Variants in KDM2B observed in about 807,000 individuals in gnomAD.
KDM2B encodes lysine demethylase 2B.
KDM2B carries 26 observed loss-of-function variants against 150.0 expected under a neutral mutation model. The observed-to-expected ratio is 0.17, with a 90% CI of 0.13 to 0.24. The LOEUF is 0.24. Among genes scored for constraint, KDM2B ranks in the 10% least tolerant of loss-of-function variants. The pLI is 1.00. For synonymous variants in KDM2B, 734 were observed against 729.5 expected, an observed-to-expected ratio of 1.01 and a Z score of -0.10; for missense variants, 1,265 against 1,816.9, an observed-to-expected ratio of 0.70 and a Z score of 5.52.
intron 17 of KDM2B, 76 bp downstream of exon 17, chr12:121,443,604 C>T (rs2138179255): frequency 2.4e-6 from 2 of 842,502 alleles, no homozygotes; most frequent in African/African-American, 3.3e-5. Flanking sequence ...GGTGGAGGAC[C>T]AGCGGGGTGG....
intron 7 of KDM2B, among the ~76,000 whole-genome samples, chr12:121,534,164 A>G (rs879985252): frequency 3.9e-5 from 6 of 152,128 alleles, no homozygotes; most frequent in South Asian, 4.1e-4. Flanking sequence ...CCTGGCTAAC[A>G]CGGTGAAACC....
Position 121,442,436 on chromosome 12 carries a change from T to C in KDM2B, c.3005A>G (p.Asn1002Ser). 1 of 1,599,602 alleles carries C rather than the reference T, an allele frequency of 6.3e-7. No individual in the cohort carries two copies. Among genetic ancestry groups the C allele is most frequent in the Non-Finnish European group, 8.5e-7 (1 of 1,179,032 alleles). The change falls in exon 19 of 23, where the codon AAC becomes AGC. Residue 1002 changes from asparagine (N) to serine (S), a missense_variant. This residue lies in a region of KDM2B where 418 missense variants were observed against 402.4 expected (regional missense o/e 1.04). Transcript: ENST00000377071. The surrounding 1 kb of genome is among the most constrained non-coding windows in gnomAD (Gnocchi z 7.7). ...GTGCCGCAGCTCCCGGGGGGTGCCG[T>C]TGAGCCCCTTGCTGAAGCGGTGGGG... ...ERPHRFSKGL[N>S]GTPRELRHQL...
chr12:121,493,303 G>C (rs907987501), intron 12 of KDM2B, among the ~76,000 whole-genome samples: 1 of 151,952 alleles, frequency 6.6e-6, no homozygotes, highest in African/African-American at 2.4e-5. Context: ...AATATTTAGA[G>C]TGCACTAACC....
Position 121,509,774 on chromosome 12 carries a change from A to T in KDM2B, c.1440T>A (p.Ser480Arg). Residue 480 changes from serine to arginine, a missense_variant, in exon 11 of 23, where the codon AGT (serine) becomes AGA (arginine). Coordinates refer to ENST00000377071, the MANE Select transcript of KDM2B (RefSeq NM_032590.5). Reference protein sequence around the residue: ...KRTLSNESEESVKSTTLAVDY... With the variant: ...KRTLSNESEERVKSTTLAVDY... ...CTACGGCCAATGTGGTGGACTTCACACTTTCCTCCGACTCATTAGACAAAG... is the reference window on the plus strand; with the variant it reads ...CTACGGCCAATGTGGTGGACTTCACTCTTTCCTCCGACTCATTAGACAAAG... 6.2e-7 allele frequency: 1 copy of T among 1,613,976 alleles called. No homozygotes were observed. Among genetic ancestry groups the T allele is most frequent in the Non-Finnish European group, 8.5e-7 (1 of 1,180,008 alleles).
At chr12:121,466,367 C>A (rs1221574066) in intron 12 of KDM2B, among the ~76,000 whole-genome samples, 1 of 152,218 alleles carries the variant, frequency 6.6e-6, no homozygotes, top group African/African-American at 2.4e-5. Context: ...TCTTCCTAAA[C>A]ACGAACCTTC....
In KDM2B at chr12:121,518,377, C is replaced by G. The variant is rs1429020950; in HGVS notation, c.1047+2608G>C. On this transcript the variant is annotated intron_variant, in intron 9 of 22. Transcript: ENST00000377071. The surrounding 1 kb of genome is among the most constrained non-coding windows in gnomAD (Gnocchi z 4.4). The stretch of plus-strand genomic sequence containing the variant: ...ACAATTGGGCCTCGTAGCCAAGTCC[C>G]TCTCTCAAGACCAGAAATCAAGGCA... Among the ~76,000 whole-genome samples the G allele has an allele frequency of 1.3e-5, 2 of 152,008 alleles. No homozygotes were observed. The highest frequency in any genetic ancestry group is 2.9e-5 in the Non-Finnish European group (2 of 68,038).
intron 11 of KDM2B, among the ~76,000 whole-genome samples, chr12:121,507,873 T>C (rs1885229293): frequency 6.6e-6 from 1 of 151,904 alleles, no homozygotes; most frequent in South Asian, 2.1e-4. Flanking sequence ...TAGCCGAGCA[T>C]GGTGGCATGC....
At chr12:121,411,552 C>CG in the KDM2B span, among the ~76,000 whole-genome samples, 2 of 152,162 alleles carry the variant, frequency 1.3e-5, no homozygotes, top group Non-Finnish European at 1.5e-5. Flanking sequence ...GTCATAATCT[C>CG]TGACAGTGCT....
rs532872978 is a variant in KDM2B at position 121,520,438 on chromosome 12, G to A, written c.1047+547C>T. On this transcript the variant is annotated intron_variant, in intron 9 of 22. Transcript: ENST00000377071. The surrounding 1 kb of genome is among the most constrained non-coding windows in gnomAD (Gnocchi z 4.5). ...CCTGTCAAGGGCAGAGAAAAGCCTC[G>A]GCCCCAGGAAACTAGAGACGTCCTC... Among the ~76,000 whole-genome samples, 7 of 152,178 alleles carry A rather than the reference G, an allele frequency of 4.6e-5. No homozygotes were observed. Among genetic ancestry groups the A allele is most frequent in the Admixed American group, 2.6e-4 (4 of 15,274 alleles).
chr12:121,515,686 C>G (rs1886113194), intron 9 of KDM2B, among the ~76,000 whole-genome samples: 2 of 151,804 alleles, frequency 1.3e-5, no homozygotes, highest in Admixed American at 6.6e-5. Context: ...TGGAAAAGGC[C>G]CAAACCCAGC....
intron 4 of KDM2B, among the ~76,000 whole-genome samples, chr12:121,559,694 A>G (rs1280260019): frequency 6.6e-6 from 1 of 152,120 alleles, no homozygotes; most frequent in Non-Finnish European, 1.5e-5. Flanking sequence ...TGAGGTCGGG[A>G]GTTCGAGACC....
In KDM2B at chr12:121,494,566, G is replaced by A; in HGVS notation, c.1734+13C>T. 6.2e-7 allele frequency: 1 copy of A among 1,608,640 alleles called. No individual in the cohort carries two copies. On this transcript the variant is annotated intron_variant, in intron 12 of 22. Transcript: ENST00000377071. ...GGGAAGCGGCCGCCCGCTGCAGGCA[G>A]GCTGCGTCTTACCTTTGGAGTCTTC... is the stretch of plus-strand genomic sequence containing the variant.
chr12:121,509,229 T>TC (rs1555303430), intron 11 of KDM2B, among the ~76,000 whole-genome samples: 2 of 151,102 alleles, frequency 1.3e-5, no homozygotes, highest in African/African-American at 2.4e-5. Context: ...TGGCTAATTT[T>TC]CCTTTTTTTT....
At chr12:121,523,885 C>T (rs1466379596) in intron 8 of KDM2B, among the ~76,000 whole-genome samples, 5 of 152,338 alleles carry the variant, frequency 3.3e-5, no homozygotes, top group African/African-American at 9.6e-5. Flanking sequence ...TCCCATCCCA[C>T]GACCTTCACC....
chr12:121,437,633 G>A (rs1487952503), intron 22 of KDM2B, among the ~76,000 whole-genome samples: 4 of 152,202 alleles, frequency 2.6e-5, no homozygotes, highest in Non-Finnish European at 5.9e-5. Context: ...AGGTAGTGAG[G>A]ATGGGGTAAA....
Position 121,488,375 on chromosome 12 carries a change from A to C in KDM2B, c.1734+6204T>G, listed in dbSNP as rs1474066773. On this transcript the variant is annotated intron_variant, in intron 12 of 22. Transcript: ENST00000377071. ...AACCATAATTACGAAAAACTAGACT[A>C]GCAAACACTGATTGATGGCCCACTC... Among the ~76,000 whole-genome samples the C allele has an allele frequency of 2.0e-5, 3 of 152,134 alleles. No individual in the cohort carries two copies. In the East Asian group the frequency reaches 5.8e-4, roughly 29 times the overall value.
chr12:121,412,192 G>C, the KDM2B span, among the ~76,000 whole-genome samples: 2 of 143,434 alleles, frequency 1.4e-5, no homozygotes, highest in Non-Finnish European at 3.0e-5. Context: ...CTCCCGACTA[G>C]CTGGGACTAC....
chr12:121,579,723 C>T, intron 1 of KDM2B: 2 of 1,434,174 alleles, frequency 1.4e-6, no homozygotes, highest in Non-Finnish European at 1.8e-6. Flanking sequence ...CAGCGCCCGG[C>T]CCCTCAGCCC....
At chr12:121,525,720 C>T (rs183200955) in intron 8 of KDM2B, among the ~76,000 whole-genome samples, 2,084 of 152,274 alleles carry the variant, frequency 0.014, 19 homozygotes, top group South Asian at 0.024. Flanking sequence ...ATAGATGGAT[C>T]GTCTGAGGCC....
Sources: allele counts gnomAD v4.1 joint callset (sites outside exome capture counted in the v4.1 genomes callset), GRCh38; gene constraint gnomAD v4.1.1; regional missense constraint gnomAD v4.1.1; non-coding constraint Gnocchi (gnomAD v3.1); transcripts MANE v1.5; gene names NCBI Gene and HGNC (gene_info 2026-07-23, HGNC 2026-07-21).